IWS1: variants seen among roughly 807,000 people sequenced by gnomAD.
IWS1 encodes the protein interacts with SUPT6H, CTD assembly factor 1.
A neutral mutation model predicts 86.7 loss-of-function variants in IWS1; 27 were observed. The observed-to-expected ratio is 0.31, with a 90% CI of 0.23 to 0.43. The LOEUF (loss-of-function observed/expected upper bound fraction) is 0.43. IWS1 is among the 20% of genes least tolerant of loss of function. The pLI is 1.00. For missense variants in IWS1, 827 were observed against 1,000.8 expected (o/e 0.83, Z 2.34); for synonymous variants, 313 against 335.1 (o/e 0.93, Z 0.72).
At chr2:127,492,561 CAA>C (rs1690286825) in intron 9 of IWS1, among the ~76,000 whole-genome samples, 4 of 131,958 alleles carry the variant, frequency 3.0e-5, no homozygotes, top group Non-Finnish European at 4.9e-5. Context: ...AAAAAAAAAA[CAA>C]AAAGAGGTTG....
At chr2:127,507,305 A>G (rs1229739527) in intron 2 of IWS1, among the ~76,000 whole-genome samples, 1 of 152,246 alleles carries the variant, frequency 6.6e-6, no homozygotes, top group African/African-American at 2.4e-5. Context: ...CAATGTTTGA[A>G]GAGTTTTTAA....
At chr2:127,497,892 T>C (rs1340972279) in intron 6 of IWS1, among the ~76,000 whole-genome samples, 3 of 152,208 alleles carry the variant, frequency 2.0e-5, no homozygotes, top group Non-Finnish European at 4.4e-5. Flanking sequence ...GTTTACTTGG[T>C]GAGCCATAAA....
chr2:127,490,774 T>G (rs1690186313), intron 10 of IWS1: 1 of 152,226 alleles, frequency 6.6e-6, no homozygotes, highest in African/African-American at 2.4e-5. Flanking sequence ...TGCAAACTAC[T>G]GCATAAAAGC....
At chr2:127,498,340 T>G (rs1298611928) in intron 5 of IWS1, 103 bp from the exon 6 acceptor site, 3 of 1,043,908 alleles carry the variant, frequency 2.9e-6, no homozygotes, top group Admixed American at 2.7e-5. Flanking sequence ...GAACAAAAAT[T>G]CAATAGATAT....
rs767543896 is a variant in IWS1 at position 127,524,892 on chromosome 2, TTTTTG to T, written c.35-1106_35-1102del. Among the ~76,000 whole-genome samples the T allele has an allele frequency of 7.9e-3, 1,145 of 144,618 alleles. 17 individuals carry two copies. Among genetic ancestry groups the T allele is most frequent in the Non-Finnish European group, 5.9e-3 (401 of 67,570 alleles). 94.9% of individuals were successfully genotyped at this position (144,618 alleles called of 152,430 possible). ...AAGTGTTTTTTTGTTTTTGTTTTTG[TTTTTG>T]TTTTTTTTGAGACAGAGTCTTGCTC... is the stretch of plus-strand genomic sequence containing the variant. On this transcript the variant is annotated intron_variant, in intron 1 of 13. Transcript: ENST00000295321.
At position 127,486,614 on chromosome 2, in the gene IWS1, A is replaced by G. The variant is rs1342528027; in HGVS notation, c.2267T>C (p.Met756Thr). ...GACAACATAGTCCTTGTTTGAAGGC[A>G]TTGGGACCCTTGCACGGGCACAGAA... is the stretch of plus-strand genomic sequence containing the variant. ...PGFCARARVP[M>T]PSNKDYVVRP... The change falls in exon 13 of 14, where the codon ATG (methionine) becomes ACG (threonine). Residue 756 changes from methionine to threonine, a missense_variant. By Grantham distance (81) the Met-to-Thr change is moderately conservative (BLOSUM62 -1). This residue lies in a region of IWS1 where 279 missense variants were observed against 440.6 expected (regional missense o/e 0.63). Transcript: ENST00000295321. The G allele has an allele frequency of 1.2e-6, 2 of 1,614,140 alleles. No individual in the cohort carries two copies. Among genetic ancestry groups the G allele is most frequent in the South Asian group, 2.2e-5 (2 of 91,082 alleles).
Position 127,523,806 on chromosome 2 carries a change from A to C in IWS1, c.35-15T>G, listed in dbSNP as rs1692240901. Reference sequence around the variant, plus strand: ...ACCACCATCATCTGATTAAAAACAAAACAAAAACCAACTTATGGTGTAAGA... The same window carrying C: ...ACCACCATCATCTGATTAAAAACAACACAAAAACCAACTTATGGTGTAAGA... On this transcript the variant is annotated splice_polypyrimidine_tract_variant and intron_variant, in intron 1 of 13. Coordinates refer to ENST00000295321, the MANE Select transcript of IWS1 (RefSeq NM_017969.3). 6.5e-7 allele frequency: 1 copy of C among 1,530,590 alleles called. No individual in the cohort carries two copies. The highest frequency in any genetic ancestry group is 2.3e-5 in the East Asian group (1 of 44,444). 94.8% of individuals were successfully genotyped at this position (1,530,590 alleles called of 1,614,324 possible).
chr2:127,523,876 C>T lies in IWS1; in HGVS notation c.35-85G>A, dbSNP rs1330012170. 10 of 926,160 alleles carry T rather than the reference C, an allele frequency of 1.1e-5. No homozygotes were observed. In the East Asian group the frequency reaches 1.7e-4, roughly 16 times the overall value. The allele number at this position is 926,160 out of a possible 1,614,324, so 57.4% of individuals were successfully genotyped here. A position where few individuals can be genotyped will look rare whatever the true frequency, so the allele number is the denominator to read the frequency against. Reference sequence around the variant, plus strand: ...AATGAACACACTGAATCAAGAATAACGTAAGTGCAAAAGTTACCACTGAGG... The same window carrying T: ...AATGAACACACTGAATCAAGAATAATGTAAGTGCAAAAGTTACCACTGAGG... On this transcript the variant is annotated intron_variant, in intron 1 of 13. Transcript: ENST00000295321.
intron 2 of IWS1, among the ~76,000 whole-genome samples, chr2:127,508,453 A>G (rs1691264543): frequency 6.6e-6 from 1 of 152,220 alleles, no homozygotes; most frequent in Non-Finnish European, 1.5e-5. Context: ...AGCAGAGGCA[A>G]TTAAAGCAGG....
rs554153774 is a variant in IWS1 at position 127,497,025 on chromosome 2, A to G, written c.1566-877T>C. Reference sequence around the variant, plus strand: ...TTACCATACAGCCTAGGTGGGTAGTAGGCAATACCATGTAGGTTTGTATAA... The same window carrying G: ...TTACCATACAGCCTAGGTGGGTAGTGGGCAATACCATGTAGGTTTGTATAA... On this transcript the variant is annotated intron_variant, in intron 6 of 13. Transcript: ENST00000295321. Among the ~76,000 whole-genome samples the G allele has an allele frequency of 1.3e-3, 203 of 152,356 alleles. 1 individual carries two copies. Among genetic ancestry groups the G allele is most frequent in the Non-Finnish European group, 2.0e-3 (133 of 68,026 alleles).
At chr2:127,496,226 C>T in intron 6 of IWS1, 78 bp from the exon 7 acceptor site, 6 of 1,430,514 alleles carry the variant, frequency 4.2e-6, no homozygotes, top group Non-Finnish European at 5.7e-6. Flanking sequence ...ATTAAGAACA[C>T]CAAATTTCTT....
In IWS1 at chr2:127,505,745, G is replaced by T; in HGVS notation, c.158C>A (p.Thr53Asn). 1 of 1,498,068 alleles carries T rather than the reference G, an allele frequency of 6.7e-7. No homozygotes were observed. The highest frequency in any genetic ancestry group is 8.9e-7 in the Non-Finnish European group (1 of 1,119,802). 92.8% of individuals were successfully genotyped at this position (1,498,068 alleles called of 1,614,324 possible). ...GSVERHSENE[T>N]SDREDGLPKG... ...GGGGAGGCCATCTTCTCGATCACTA[G>T]TTTCATTCTGAAAAATAAAGTGAGA... The change falls in exon 3 of 14, where the codon ACT becomes AAT. Residue 53 changes from threonine to asparagine, a missense_variant. Thr to Asn is a moderately conservative substitution (Grantham distance 65). This residue lies in a region of IWS1 where 548 missense variants were observed against 560.2 expected (regional missense o/e 0.98). Coordinates refer to ENST00000295321, the MANE Select transcript of IWS1 (RefSeq NM_017969.3). This position sits in a 1 kb window ranked among gnomAD's most constrained non-coding sequence, Gnocchi z 5.0.
Position 127,526,407 on chromosome 2 carries a change from G to C in IWS1, c.-199C>G, listed in dbSNP as rs1315965958. On this transcript the variant is annotated 5_prime_UTR_variant, in exon 1 of 14. Coordinates refer to ENST00000295321, the MANE Select transcript of IWS1 (RefSeq NM_017969.3). ...CCTGGAAGCCCCGGCGGAAAAGGCC[G>C]TACCCGGCAGGCTGGCGGGCGGGCA... 1.3e-6 allele frequency: 2 copies of C among 1,535,870 alleles called. No individual in the cohort carries two copies. Among genetic ancestry groups the C allele is most frequent in the Non-Finnish European group, 1.7e-6 (2 of 1,145,446 alleles).
chr2:127,494,634 TA>T (rs2104675386), intron 8 of IWS1: 1 of 314,430 alleles, frequency 3.2e-6, no homozygotes, highest in East Asian at 5.4e-5. Flanking sequence ...AACACAAAAT[TA>T]GTAGTTTCCA....
chr2:127,510,549 G>GT (rs1691392985), intron 2 of IWS1, among the ~76,000 whole-genome samples: 2 of 152,136 alleles, frequency 1.3e-5, no homozygotes. Context: ...CTGAAGTGCA[G>GT]TAGCATAACC....
chr2:127,498,090 A>T, intron 6 of IWS1, 50 bp downstream of exon 6: 1 of 1,395,394 alleles, frequency 7.2e-7, no homozygotes. Flanking sequence ...AATAGTCTCT[A>T]CCTTGATTTT....
chr2:127,484,483 G>A (rs1042232027), intron 13 of IWS1: 2 of 152,126 alleles, frequency 1.3e-5, no homozygotes, highest in African/African-American at 2.4e-5. Flanking sequence ...CGTCTACAAT[G>A]TGGAAGCAAG....
chr2:127,510,650 G>A (rs1230771903), intron 2 of IWS1, among the ~76,000 whole-genome samples: 3 of 151,682 alleles, frequency 2.0e-5, no homozygotes, highest in Admixed American at 1.3e-4. Flanking sequence ...ACGCCACCAC[G>A]TCCGGATAAT....
At chr2:127,500,522 A>G (rs1431863314) in intron 5 of IWS1, among the ~76,000 whole-genome samples, 1 of 152,034 alleles carries the variant, frequency 6.6e-6, no homozygotes, top group Non-Finnish European at 1.5e-5. Context: ...TCCCTCTTTT[A>G]TAATATTATA....
Sources: gnomAD v4.1 joint callset for allele counts (sites outside exome capture counted in the v4.1 genomes callset) on GRCh38, gnomAD v4.1.1 for gene constraint, gnomAD v4.1.1 regional missense constraint, Gnocchi (gnomAD v3.1) non-coding constraint, MANE v1.5 for transcripts, NCBI Gene and HGNC (gene_info 2026-07-23, HGNC 2026-07-21) for gene names.